The following PHF20L1 variants were observed in gnomAD, a reference collection of about 807,000 sequenced individuals.
The protein encoded by PHF20L1 is PHD finger protein 20 like 1.
Under a neutral mutation model 125.5 loss-of-function variants are expected in PHF20L1, and 44 were observed. The ratio of observed to expected loss-of-function variants is 0.35; its 90% CI spans 0.28 to 0.45. The LOEUF (loss-of-function observed/expected upper bound fraction) is 0.45. Ranked by LOEUF, PHF20L1 falls within the 20% of genes least tolerant of loss-of-function variation. The pLI is 1.00. For missense variants in PHF20L1, 1,012 were observed against 1,217.2 expected, an observed-to-expected ratio of 0.83 and a Z score of 2.51; for synonymous variants, 380 against 403.1, an observed-to-expected ratio of 0.94 and a Z score of 0.69.
chr8:132,794,341 CTATG>C (rs1325969597), intron 2 of PHF20L1, 65 bp from the exon 3 acceptor site: 13 of 903,350 alleles, frequency 1.4e-5, no homozygotes, highest in Non-Finnish European at 2.2e-5. Context: ...TCAGCTAAAT[CTATG>C]TATAATGCTT....
intron 12 of PHF20L1, 43 bp downstream of exon 12, chr8:132,817,588 C>A: frequency 7.2e-7 from 1 of 1,391,806 alleles, no homozygotes; most frequent in Non-Finnish European, 9.9e-7. Flanking sequence ...AGATAAGTAG[C>A]TAGGCTTGCA....
intron 8 of PHF20L1, chr8:132,809,653 G>GT (rs1475173434): frequency 1.3e-5 from 2 of 152,196 alleles, no homozygotes; most frequent in Non-Finnish European, 2.9e-5. Context: ...TATAATTGCT[G>GT]TAGTCAGTTT....
At position 132,845,772 on chromosome 8, in the gene PHF20L1, C is replaced by T. The variant is rs142049529; in HGVS notation, c.2912-9C>T. 2.5e-6 allele frequency: 4 copies of T among 1,590,488 alleles called. No homozygotes were observed. The Admixed American group carries it at 5.0e-5, about 20-fold the overall frequency. ...AGTTTAAATTTGTTTATCTTCTTCTCTCTTTTAGTTCTGGAAAGCTGGCTT... is the reference window on the plus strand; with the variant it reads ...AGTTTAAATTTGTTTATCTTCTTCTTTCTTTTAGTTCTGGAAAGCTGGCTT... On this transcript the variant is annotated splice_polypyrimidine_tract_variant and intron_variant, in intron 20 of 20. Coordinates refer to ENST00000395386, the MANE Select transcript of PHF20L1 (RefSeq NM_016018.5).
intron 16 of PHF20L1, 141 bp downstream of exon 16, chr8:132,836,862 A>T: frequency 1.6e-6 from 1 of 626,342 alleles, no homozygotes; most frequent in African/African-American, 1.8e-5. Flanking sequence ...TACCCATAGT[A>T]ATGATTAGGA....
intron 2 of PHF20L1, 49 bp from the exon 3 acceptor site, chr8:132,794,360 TA>T: frequency 8.5e-7 from 1 of 1,178,322 alleles, no homozygotes; most frequent in Non-Finnish European, 1.3e-6. Flanking sequence ...ATGCTTTGTA[TA>T]AACAAATATA....
rs763959343 is a variant in PHF20L1 at position 132,846,198 on chromosome 8, C to G, written c.*275C>G. 1.2e-5 allele frequency: 3 copies of G among 247,350 alleles called. No homozygotes were observed. The highest frequency in any genetic ancestry group is 2.3e-5 in the Non-Finnish European group (3 of 129,404). The allele number at this position is 247,350 out of a possible 1,614,324, so 15.3% of individuals were successfully genotyped here. A position where few individuals can be genotyped will look rare whatever the true frequency, so the allele number is the denominator to read the frequency against. ...GAATATAATGTATACTAAGGGATTT[C>G]AAGTTCTCAGAATTTTTGAGTAGTT... On this transcript the variant is annotated 3_prime_UTR_variant, in exon 21 of 21. Coordinates refer to ENST00000395386, the MANE Select transcript of PHF20L1 (RefSeq NM_016018.5).
rs555879106 is a variant in PHF20L1 at position 132,791,118 on chromosome 8, G to T, written c.84-3292G>T. On this transcript the variant is annotated intron_variant, in intron 2 of 20. Transcript: ENST00000395386. ...GATTACCAAGATCAAATGAGAAAAC[G>T]TATAGAAAGAACAGTTGGCACTCAA... 2.0e-5 allele frequency among the ~76,000 whole-genome samples: 3 copies of T among 152,090 alleles called. 1 individual carries two copies. The highest frequency in any genetic ancestry group is 4.1e-4 in the South Asian group (2 of 4,822).
chr8:132,825,994 T>C (rs1213835548), intron 14 of PHF20L1, among the ~76,000 whole-genome samples: 1 of 152,076 alleles, frequency 6.6e-6, no homozygotes, highest in Non-Finnish European at 1.5e-5. Flanking sequence ...TAATTTCTTA[T>C]GGCACCCCTA....
intron 4 of PHF20L1, among the ~76,000 whole-genome samples, chr8:132,798,417 A>G (rs1177630165): frequency 6.6e-6 from 1 of 152,050 alleles, no homozygotes; most frequent in East Asian, 1.9e-4. Flanking sequence ...GCAAATGGTA[A>G]TGCCTATGGA....
At chr8:132,837,379 C>G (rs1266879995) in intron 16 of PHF20L1, among the ~76,000 whole-genome samples, 3 of 151,954 alleles carry the variant, frequency 2.0e-5, no homozygotes, top group Non-Finnish European at 2.9e-5. Context: ...TTTTTTTCCC[C>G]TAATTTCCGC....
At chr8:132,807,163 T>A (rs1415530371) in intron 8 of PHF20L1, 1 of 152,720 alleles carries the variant, frequency 6.5e-6, no homozygotes, top group East Asian at 1.9e-4. Flanking sequence ...TATACATATA[T>A]CATATATGTA....
In PHF20L1 at chr8:132,799,080, T is replaced by A; in HGVS notation, c.430-15T>A. The stretch of plus-strand genomic sequence containing the variant: ...TAGACCTGCTAAAGTTATAGGTCAC[T>A]AGTTTCTGTTCCAGGTGAAATCCCA... On this transcript the variant is annotated splice_polypyrimidine_tract_variant and intron_variant, in intron 5 of 20. Coordinates refer to ENST00000395386, the MANE Select transcript of PHF20L1 (RefSeq NM_016018.5). 6.2e-7 allele frequency: 1 copy of A among 1,603,652 alleles called. No individual in the cohort carries two copies. Among genetic ancestry groups the A allele is most frequent in the East Asian group, 2.2e-5 (1 of 44,780 alleles).
At chr8:132,792,916 T>A (rs1831912343) in intron 2 of PHF20L1, among the ~76,000 whole-genome samples, 1 of 152,162 alleles carries the variant, frequency 6.6e-6, no homozygotes, top group South Asian at 2.1e-4. Context: ...CAGCCTAACT[T>A]TTTTTAATCC....
intron 10 of PHF20L1, chr8:132,815,954 C>G (rs1460900987): frequency 1.3e-5 from 2 of 151,590 alleles, no homozygotes; most frequent in African/African-American, 4.8e-5. Context: ...GTATTATAAC[C>G]ACAATATTAT....
intron 17 of PHF20L1, 181 bp from the exon 18 acceptor site, chr8:132,839,206 C>G: frequency 1.7e-6 from 1 of 573,744 alleles, no homozygotes; most frequent in Non-Finnish European, 3.1e-6. Flanking sequence ...TGGGCAGGAA[C>G]GCTGAAGGTG....
intron 6 of PHF20L1, among the ~76,000 whole-genome samples, chr8:132,803,235 A>G (rs987284815): frequency 1.3e-5 from 2 of 151,740 alleles, no homozygotes; most frequent in Non-Finnish European, 2.9e-5. Context: ...CTTCATCAGT[A>G]TTATTAAGCT....
intron 14 of PHF20L1, chr8:132,826,724 G>A (rs1369784359): frequency 1.3e-5 from 2 of 151,906 alleles, no homozygotes; most frequent in Non-Finnish European, 2.9e-5. Flanking sequence ...GGTGGGGAAG[G>A]GCCATTATCA....
chr8:132,791,212 A>G (rs2131413076), intron 2 of PHF20L1, among the ~76,000 whole-genome samples: 1 of 150,344 alleles, frequency 6.7e-6, no homozygotes, highest in South Asian at 2.1e-4. Context: ...CTTTCTCCTA[A>G]TCTGACCCTA....
intron 2 of PHF20L1, among the ~76,000 whole-genome samples, chr8:132,780,292 T>C (rs2553596): frequency 0.63 from 95,891 of 151,942 alleles, 30,395 homozygotes; most frequent in Admixed American, 0.68. Flanking sequence ...ACAAAAGTTC[T>C]GAGATTAGTG....
Sources: allele counts gnomAD v4.1 joint callset (sites outside exome capture counted in the v4.1 genomes callset), GRCh38; gene constraint gnomAD v4.1.1; transcripts MANE v1.5; gene names NCBI Gene and HGNC (gene_info 2026-07-23, HGNC 2026-07-21).